MACROD2: variants seen among roughly 807,000 people sequenced by gnomAD.
The protein encoded by MACROD2 is mono-ADP ribosylhydrolase 2.
A neutral mutation model predicts 70.4 loss-of-function variants in MACROD2; 36 were observed. The observed-to-expected ratio is 0.51, with a 90% confidence interval of 0.39 to 0.68. The LOEUF (loss-of-function observed/expected upper bound fraction) is 0.68. MACROD2 is among the 30% of genes least tolerant of loss of function. MACROD2 has a pLI of 0.00. For missense variants in MACROD2, 496 were observed against 538.4 expected (o/e 0.92, Z 0.78); for synonymous variants, 172 against 178.8 (o/e 0.96, Z 0.30).
intron 5 of MACROD2, among the ~76,000 whole-genome samples, chr20:15,228,522 T>C (rs2076931557): frequency 7.7e-6 from 1 of 130,672 alleles, no homozygotes; most frequent in Non-Finnish European, 1.6e-5. Context: ...GGAGTCTCAC[T>C]CCGTCACTAG....
At chr20:16,048,017 A>G (rs954475659) in intron 17 of MACROD2, among the ~76,000 whole-genome samples, 1 of 152,236 alleles carries the variant, frequency 6.6e-6, no homozygotes, top group Non-Finnish European at 1.5e-5. Flanking sequence ...AGTTTGAAAC[A>G]TAATTTTATG....
chr20:15,687,576 A>G (rs1471872370), intron 8 of MACROD2, among the ~76,000 whole-genome samples: 1 of 152,054 alleles, frequency 6.6e-6, no homozygotes, highest in Non-Finnish European at 1.5e-5. Flanking sequence ...TCTTCCTCAA[A>G]CAGAACAGAT....
intron 5 of MACROD2, among the ~76,000 whole-genome samples, chr20:14,975,175 G>A (rs2074727454): frequency 6.6e-6 from 1 of 152,090 alleles, no homozygotes; most frequent in Non-Finnish European, 1.5e-5. Flanking sequence ...GTGAGGGGCA[G>A]GGTGCCAAAG....
At chr20:16,008,220 CT>C (rs942045919) in intron 15 of MACROD2, among the ~76,000 whole-genome samples, 28 of 152,324 alleles carry the variant, frequency 1.8e-4, no homozygotes, top group African/African-American at 6.7e-4. Flanking sequence ...ATAGCGCCCC[CT>C]ATACTGTCTT....
chr20:15,795,133 T>C (rs555691480), intron 8 of MACROD2, among the ~76,000 whole-genome samples: 44 of 152,182 alleles, frequency 2.9e-4, no homozygotes, highest in Non-Finnish European at 7.4e-5. Context: ...AGTTGTGCAA[T>C]TGCAACCTTC....
intron 4 of MACROD2, among the ~76,000 whole-genome samples, chr20:14,637,667 ATT>A (rs1334509487): frequency 2.6e-5 from 4 of 152,146 alleles, no homozygotes; most frequent in Admixed American, 2.6e-4. Context: ...TCATTTTTGA[ATT>A]GGTGTCCAGG....
intron 3 of MACROD2, among the ~76,000 whole-genome samples, chr20:14,428,207 C>T (rs1600228252): frequency 6.6e-6 from 1 of 152,066 alleles, no homozygotes; most frequent in East Asian, 1.9e-4. Flanking sequence ...GTTATAATAG[C>T]TGATCCTTTT....
intron 5 of MACROD2, among the ~76,000 whole-genome samples, chr20:14,731,320 C>G (rs984235444): frequency 6.6e-6 from 1 of 152,040 alleles, no homozygotes; most frequent in African/African-American, 2.4e-5. Context: ...TCATATTTGT[C>G]CTCATTATAG....
At chr20:15,473,813 G>C (rs78332483) in intron 7 of MACROD2, among the ~76,000 whole-genome samples, 1 of 152,116 alleles carries the variant, frequency 6.6e-6, no homozygotes, top group South Asian at 2.1e-4. Context: ...TGATATCCAC[G>C]TGGGTTTACT....
At chr20:15,248,359 T>C (rs181220769) in intron 6 of MACROD2, among the ~76,000 whole-genome samples, 39 of 152,302 alleles carry the variant, frequency 2.6e-4, no homozygotes, top group Admixed American at 5.2e-4. Context: ...CCTCTCAGCT[T>C]CCAGGACACC....
In MACROD2 at chr20:15,937,526, G is replaced by A; in HGVS notation, c.889G>A (p.Glu297Lys). ...CGGCCCTGCTTCAGAAGAGGCAGTT[G>A]AAGACTGTAAAGATGAAGGTATGAG... Reference protein sequence around the residue: ...VPGPASEEAVEDCKDEDFAKD... With the variant: ...VPGPASEEAVKDCKDEDFAKD... Residue 297 changes from glutamate (E) to lysine (K), a missense_variant, in exon 12 of 18, where the codon GAA (glutamate) becomes AAA (lysine). Physicochemically the swap from Glu to Lys is moderately conservative, Grantham distance 56 (BLOSUM62 1). Transcript: ENST00000684519. 1 of 1,613,340 alleles carries A rather than the reference G, an allele frequency of 6.2e-7. No individual in the cohort carries two copies. The highest frequency in any genetic ancestry group is 2.2e-5 in the East Asian group (1 of 44,856).
chr20:14,878,713 G>T (rs1053663931), intron 5 of MACROD2, among the ~76,000 whole-genome samples: 1 of 152,146 alleles, frequency 6.6e-6, no homozygotes, highest in East Asian at 1.9e-4. Flanking sequence ...TACTGGCCGA[G>T]TTGATAATAT....
intron 8 of MACROD2, among the ~76,000 whole-genome samples, chr20:15,742,383 A>G (rs762646613): frequency 6.6e-5 from 10 of 152,240 alleles, no homozygotes; most frequent in Admixed American, 3.3e-4. Flanking sequence ...CATAGAAAAC[A>G]TGTTTCCCTC....
At chr20:14,340,689 T>G (rs1345873092) in intron 3 of MACROD2, among the ~76,000 whole-genome samples, 2 of 152,204 alleles carry the variant, frequency 1.3e-5, no homozygotes, top group African/African-American at 4.8e-5. Flanking sequence ...GTTTGCTGTT[T>G]TGCATTTTGT....
intron 5 of MACROD2, among the ~76,000 whole-genome samples, chr20:14,842,859 A>T (rs1953812676): frequency 1.3e-5 from 2 of 152,022 alleles, no homozygotes; most frequent in African/African-American, 2.4e-5. Context: ...AAGAAAATGA[A>T]CTCTAGGAGT....
chr20:14,436,041 A>T (rs1034726417), intron 3 of MACROD2, among the ~76,000 whole-genome samples: 3 of 152,204 alleles, frequency 2.0e-5, no homozygotes, highest in Non-Finnish European at 4.4e-5. Flanking sequence ...TAAGTTTCTA[A>T]AAGTCACAAT....
intron 2 of MACROD2, among the ~76,000 whole-genome samples, chr20:14,037,842 C>T (rs551888925): frequency 7.9e-5 from 12 of 151,422 alleles, no homozygotes; most frequent in East Asian, 3.9e-4. Context: ...AATGTGGTCT[C>T]TACAAAAAAA....
chr20:14,514,195 A>G (rs928911488), intron 4 of MACROD2, among the ~76,000 whole-genome samples: 1 of 152,122 alleles, frequency 6.6e-6, no homozygotes, highest in Non-Finnish European at 1.5e-5. Flanking sequence ...GCATAACATG[A>G]TATGAACATA....
chr20:14,648,547 T>C (rs1424662478), intron 4 of MACROD2, among the ~76,000 whole-genome samples: 1 of 152,124 alleles, frequency 6.6e-6, no homozygotes, highest in Non-Finnish European at 1.5e-5. Flanking sequence ...TGGATCTTTC[T>C]ACTTTCTCTC....
Sources: allele counts gnomAD v4.1 joint callset (sites outside exome capture counted in the v4.1 genomes callset), GRCh38; gene constraint gnomAD v4.1.1; transcripts MANE v1.5; gene names NCBI Gene and HGNC (gene_info 2026-07-23, HGNC 2026-07-21).